The following PCDHGA1 variants were observed in gnomAD, a reference collection of about 807,000 sequenced individuals.
PCDHGA1 encodes protocadherin gamma-A1.
PCDHGA1 carries 32 observed loss-of-function variants against 58.0 expected under a neutral mutation model. The observed-to-expected ratio is 0.55, with a 90% confidence interval of 0.42 to 0.74. The LOEUF is 0.74. Ranked by LOEUF, PCDHGA1 falls within the 30% of genes least tolerant of loss-of-function variation. The pLI, the probability that PCDHGA1 is intolerant of heterozygous loss-of-function variation, is 0.00. For missense variants in PCDHGA1, 1,205 were observed against 1,182.3 expected, an observed-to-expected ratio of 1.02 and a Z score of -0.28; for synonymous variants, 498 against 501.1, an observed-to-expected ratio of 0.99 and a Z score of 0.08.
Position 141,371,428 on chromosome 5 carries a change from C to T in PCDHGA1, c.2421+38323C>T, listed in dbSNP as rs763264073. On this transcript the variant is annotated intron_variant, in intron 1 of 3. Coordinates refer to ENST00000517417, the MANE Select transcript of PCDHGA1 (RefSeq NM_018912.3). ...ATTTCAGATGAAAATGACAATGCCCCGGAGATAACCCTGGCTTCTGAATCC... is the reference window on the plus strand; with the variant it reads ...ATTTCAGATGAAAATGACAATGCCCTGGAGATAACCCTGGCTTCTGAATCC... 3.7e-6 allele frequency: 6 copies of T among 1,613,772 alleles called. No individual in the cohort carries two copies. The African/African-American group carries it at 5.3e-5, about 14-fold the overall frequency.
chr5:141,410,140 G>GCGTGA, intron 1 of PCDHGA1: 1 of 1,612,782 alleles, frequency 6.2e-7, no homozygotes, highest in Non-Finnish European at 8.5e-7. Flanking sequence ...TGGTCGCTGT[G>GCGTGA]CGTGACGGTG....
chr5:141,402,749 G>A (rs768250544), intron 1 of PCDHGA1, among the ~76,000 whole-genome samples: 4 of 152,152 alleles, frequency 2.6e-5, no homozygotes, highest in Non-Finnish European at 5.9e-5. Flanking sequence ...TCAACTCTAA[G>A]CGAAAATCAG....
intron 1 of PCDHGA1, chr5:141,414,109 G>A: frequency 6.3e-7 from 1 of 1,592,288 alleles, no homozygotes; most frequent in Non-Finnish European, 8.6e-7. Context: ...AGAAAATCTA[G>A]ATTATGAAGA....
rs140916255 is a variant in PCDHGA1, at chr5:141,475,995, C to A, written c.2422-18812C>A. 2,057 of 1,172,604 alleles carry A rather than the reference C, an allele frequency of 1.8e-3. 30 individuals carry two copies. The African/African-American group carries it at 0.027, about 16-fold the overall frequency. 72.6% of individuals were successfully genotyped at this position (1,172,604 alleles called of 1,614,324 possible). ...ACTGAACAGCCGGCGAGCAAATCAA[C>A]GGCATCCAGAAAGCCATGTCGGACT... On this transcript the variant is annotated intron_variant, in intron 1 of 3. Coordinates refer to ENST00000517417, the MANE Select transcript of PCDHGA1 (RefSeq NM_018912.3).
At chr5:141,385,263 T>C in intron 1 of PCDHGA1, 1 of 1,613,672 alleles carries the variant, frequency 6.2e-7, no homozygotes, top group Non-Finnish European at 8.5e-7. Flanking sequence ...GTGAGAAAAA[T>C]GATTCTTTGC....
Position 141,490,600 on chromosome 5 carries a change from T to G in PCDHGA1, c.2422-4207T>G. 6.2e-7 allele frequency: 1 copy of G among 1,614,164 alleles called. No homozygotes were observed. Among genetic ancestry groups the G allele is most frequent in the South Asian group, 1.1e-5 (1 of 91,072 alleles). ...AGATGTCAATGACAATGCACCCCGCTTCAACCAGCAGCTTTACACTGCTTA... is the reference window on the plus strand; with the variant it reads ...AGATGTCAATGACAATGCACCCCGCGTCAACCAGCAGCTTTACACTGCTTA... On this transcript the variant is annotated intron_variant, in intron 1 of 3. Coordinates refer to ENST00000517417, the MANE Select transcript of PCDHGA1 (RefSeq NM_018912.3). The surrounding 1 kb of genome is among the most constrained non-coding windows in gnomAD (Gnocchi z 5.4).
intron 1 of PCDHGA1, chr5:141,398,722 A>T: frequency 1.9e-6 from 3 of 1,613,816 alleles, no homozygotes; most frequent in Non-Finnish European, 2.5e-6. Context: ...ACTGGAGAAA[A>T]CCTTAGACCG....
Position 141,431,222 on chromosome 5 carries a change from C to A in PCDHGA1, c.2422-63585C>A. On this transcript the variant is annotated intron_variant, in intron 1 of 3. Transcript: ENST00000517417. The surrounding 1 kb of genome is among the most constrained non-coding windows in gnomAD (Gnocchi z 4.8). ...AGCCACTGAGATGCGGTTCCCTCTA[C>A]CCCACGCCTGGGATCCGGATATCGG... 3 of 1,614,170 alleles carry A rather than the reference C, an allele frequency of 1.9e-6. No individual in the cohort carries two copies. The highest frequency in any genetic ancestry group is 2.5e-6 in the Non-Finnish European group (3 of 1,180,034).
intron 1 of PCDHGA1, chr5:141,343,740 AT>A (rs1561486641): frequency 3.5e-6 from 1 of 286,952 alleles, no homozygotes; most frequent in Non-Finnish European, 6.4e-6. Flanking sequence ...AAAAATAATA[AT>A]GTGTCTGAGA....
chr5:141,340,283 A>T, intron 1 of PCDHGA1: 3 of 1,614,112 alleles, frequency 1.9e-6, no homozygotes, highest in Non-Finnish European at 2.5e-6. Flanking sequence ...GGATGCTCAC[A>T]TTTTGCTCCA....
At position 141,490,707 on chromosome 5, in the gene PCDHGA1, C is replaced by T; in HGVS notation, c.2422-4100C>T. ...CAGACACTGGGGATAATGCCCGCCT[C>T]ACCTACTCCATTGTAGGAAATCAGG... On this transcript the variant is annotated intron_variant, in intron 1 of 3. Transcript: ENST00000517417. The surrounding 1 kb of genome is among the most constrained non-coding windows in gnomAD (Gnocchi z 5.4). The T allele has an allele frequency of 3.1e-6, 5 of 1,614,194 alleles. No individual in the cohort carries two copies. Among genetic ancestry groups the T allele is most frequent in the Non-Finnish European group, 3.4e-6 (4 of 1,180,008 alleles).
At position 141,413,842 on chromosome 5, in the gene PCDHGA1, G is replaced by T. The variant is rs1181086477; in HGVS notation, c.2421+80737G>T. 6.2e-6 allele frequency: 10 copies of T among 1,613,176 alleles called. No homozygotes were observed. In the Admixed American group the frequency reaches 1.7e-4, roughly 27 times the overall value. The stretch of plus-strand genomic sequence containing the variant: ...GGTCCTCACCGCCTCCGACGGGGGT[G>T]ACCCTCTCCGATCTGGCACTGTCCT... On this transcript the variant is annotated intron_variant, in intron 1 of 3. Transcript: ENST00000517417.
chr5:141,427,046 C>G (rs916723344), intron 1 of PCDHGA1: 2 of 457,362 alleles, frequency 4.4e-6, no homozygotes, highest in Admixed American at 4.7e-5. Context: ...AGAATGTGCC[C>G]CCAGGCACCT....
intron 1 of PCDHGA1, chr5:141,343,190 T>G (rs1757264947): frequency 1.7e-5 from 10 of 574,340 alleles, no homozygotes; most frequent in African/African-American, 2.0e-5. Context: ...CCAAACATAT[T>G]GTCTGATGCC....
rs566049956 is a variant in PCDHGA1 at position 141,511,685 on chromosome 5, G to A, written c.*512G>A. 1.0e-5 allele frequency: 2 copies of A among 198,374 alleles called. No individual in the cohort carries two copies. Among genetic ancestry groups the A allele is most frequent in the Non-Finnish European group, 2.1e-5 (2 of 94,428 alleles). The allele number at this position is 198,374 out of a possible 1,614,324, so 12.3% of individuals were successfully genotyped here. On this transcript the variant is annotated 3_prime_UTR_variant, in exon 4 of 4. Coordinates refer to ENST00000517417, the MANE Select transcript of PCDHGA1 (RefSeq NM_018912.3). ...GATTCTCAATCTTCCCCCAAAGCAT[G>A]GTTTGGTGCCAGCCCCTTCACCTCC...
At chr5:141,424,022 AAC>A (rs1390245883) in intron 1 of PCDHGA1, 1 of 1,046,586 alleles carries the variant, frequency 9.6e-7, no homozygotes, top group Non-Finnish European at 1.2e-6. Flanking sequence ...ATGATTCACA[AAC>A]ACTTTTTATT....
Position 141,403,252 on chromosome 5 carries a change from G to A in PCDHGA1, c.2421+70147G>A, listed in dbSNP as rs180687908. 8.6e-4 allele frequency: 1,389 copies of A among 1,613,900 alleles called. 2 individuals carry two copies. Among genetic ancestry groups the A allele is most frequent in the Non-Finnish European group, 1.1e-3 (1,338 of 1,179,904 alleles). On this transcript the variant is annotated intron_variant, in intron 1 of 3. Transcript: ENST00000517417. Reference sequence around the variant, plus strand: ...GGGAGGAGCTCTGTGCTCAGAGCCCGCGGTGTCTGGTGAACTTTAAAGTCC... The same window carrying A: ...GGGAGGAGCTCTGTGCTCAGAGCCCACGGTGTCTGGTGAACTTTAAAGTCC...
intron 1 of PCDHGA1, chr5:141,339,657 G>A (rs61749056): frequency 0.011 from 18,396 of 1,614,202 alleles, 138 homozygotes; most frequent in Middle Eastern, 0.015. Flanking sequence ...TCCCGCATCT[G>A]CGTGAAGGTC....
rs576983336 is a variant in PCDHGA1, at chr5:141,489,165, G to A, written c.2422-5642G>A. 5.8e-4 allele frequency: 625 copies of A among 1,082,080 alleles called. 8 individuals are homozygous for A. The South Asian group carries it at 7.9e-3, about 14-fold the overall frequency. The allele number at this position is 1,082,080 out of a possible 1,614,324, so 67.0% of individuals were successfully genotyped here. On this transcript the variant is annotated intron_variant, in intron 1 of 3. Transcript: ENST00000517417. The surrounding 1 kb of genome is among the most constrained non-coding windows in gnomAD (Gnocchi z 4.5). ...GAAGGAGACATAAGAGACTTCAGCT[G>A]CTGCATTCCAAGCCCTGGGTCTACC...
Sources: allele counts gnomAD v4.1 joint callset (sites outside exome capture counted in the v4.1 genomes callset), GRCh38; gene constraint gnomAD v4.1.1; non-coding constraint Gnocchi (gnomAD v3.1); transcripts MANE v1.5; gene names NCBI Gene and HGNC (gene_info 2026-07-23, HGNC 2026-07-21).